Variants in LNX2 observed in about 807,000 individuals in gnomAD.
LNX2 encodes the protein ligand of Numb protein X 2.
In LNX2, 35 loss-of-function variants were observed where a neutral mutation model predicts 66.2. That is an observed-to-expected ratio of 0.53 (90% CI 0.40 to 0.70). LNX2 has a LOEUF of 0.70. Among genes scored for constraint, LNX2 ranks in the 30% least tolerant of loss-of-function variants. The pLI is 0.00. For synonymous variants in LNX2, 337 were observed against 315.6 expected, an observed-to-expected ratio of 1.07 and a Z score of -0.72; for missense variants, 791 against 850.8, an observed-to-expected ratio of 0.93 and a Z score of 0.87.
intron 1 of LNX2, among the ~76,000 whole-genome samples, chr13:27,592,876 C>G (rs1437899712): frequency 1.3e-5 from 2 of 152,152 alleles, no homozygotes; most frequent in Non-Finnish European, 1.5e-5. Context: ...GAGAATTAAG[C>G]ACTGGATTTA....
intron 1 of LNX2, among the ~76,000 whole-genome samples, chr13:27,587,326 A>G (rs1955498316): frequency 6.6e-6 from 1 of 151,022 alleles, no homozygotes; most frequent in Non-Finnish European, 1.5e-5. Flanking sequence ...CTTTACACAT[A>G]TTTTCCCTTC....
intron 5 of LNX2, among the ~76,000 whole-genome samples, chr13:27,560,689 CAT>C (rs1332106077): frequency 1.3e-5 from 2 of 151,480 alleles, no homozygotes; most frequent in African/African-American, 2.4e-5. Flanking sequence ...ATATTTTGAA[CAT>C]ATGTTTACAT....
chr13:27,578,467 T>C (rs1955364310), intron 2 of LNX2, among the ~76,000 whole-genome samples: 1 of 152,126 alleles, frequency 6.6e-6, no homozygotes, highest in South Asian at 2.1e-4. Context: ...TTTATGTTGG[T>C]TTTAGAACAT....
chr13:27,578,482 G>C (rs1955364613), intron 2 of LNX2, among the ~76,000 whole-genome samples: 1 of 152,142 alleles, frequency 6.6e-6, no homozygotes, highest in African/African-American at 2.4e-5. Flanking sequence ...GAACATGGCT[G>C]CAAATTTTTT....
intron 1 of LNX2, among the ~76,000 whole-genome samples, chr13:27,599,438 T>C (rs560926690): frequency 3.3e-5 from 5 of 152,312 alleles, no homozygotes; most frequent in African/African-American, 4.8e-5. Flanking sequence ...TTCCTGCCAA[T>C]GGCTCTAGGT....
At chr13:27,563,411 CA>C (rs1330452572) in intron 4 of LNX2, among the ~76,000 whole-genome samples, 5 of 152,050 alleles carry the variant, frequency 3.3e-5, no homozygotes, top group African/African-American at 1.2e-4. Context: ...TAGGTTGGTG[CA>C]AAAGTAATTA....
intron 1 of LNX2, among the ~76,000 whole-genome samples, chr13:27,586,552 T>C (rs1955488741): frequency 6.6e-6 from 1 of 152,194 alleles, no homozygotes; most frequent in Non-Finnish European, 1.5e-5. Context: ...TCAATAAATG[T>C]TGAATGACCA....
At chr13:27,580,849 T>TCCAATTTA (rs1955389729) in intron 2 of LNX2, among the ~76,000 whole-genome samples, 1 of 152,202 alleles carries the variant, frequency 6.6e-6, no homozygotes, top group South Asian at 2.1e-4. Flanking sequence ...AATAACTGAT[T>TCCAATTTA]CCAATTTACC....
Position 27,581,725 on chromosome 13 carries a change from C to A in LNX2, c.-22G>T. The A allele has an allele frequency of 6.4e-7, 1 of 1,563,746 alleles. No homozygotes were observed. Among genetic ancestry groups the A allele is most frequent in the South Asian group, 1.2e-5 (1 of 81,766 alleles). On this transcript the variant is annotated 5_prime_UTR_variant, in exon 2 of 10. An upstream start codon of the reference 5' UTR is lost. Transcript: ENST00000316334. ...CCATTTTGAATCAATTCTGTATCCT[C>A]ATGTGTTAGACTTCCACTTCACGCT...
At chr13:27,572,643 A>T (rs1464003134) in intron 2 of LNX2, among the ~76,000 whole-genome samples, 2 of 152,208 alleles carry the variant, frequency 1.3e-5, no homozygotes, top group Non-Finnish European at 2.9e-5. Context: ...CTCCTAAGGG[A>T]AAAATTATAT....
chr13:27,606,036 C>G (rs1251585102), intron 1 of LNX2, among the ~76,000 whole-genome samples: 1 of 152,130 alleles, frequency 6.6e-6, no homozygotes, highest in East Asian at 1.9e-4. Flanking sequence ...GAAAGCTATT[C>G]TAAGAGTGTC....
At chr13:27,616,082 C>T (rs1439882857) in intron 1 of LNX2, among the ~76,000 whole-genome samples, 1 of 145,510 alleles carries the variant, frequency 6.9e-6, no homozygotes, top group African/African-American at 2.5e-5. Flanking sequence ...TGGTTTTATA[C>T]ATTTTAGGGA....
intron 1 of LNX2, among the ~76,000 whole-genome samples, chr13:27,582,335 C>G (rs190145944): frequency 1.3e-5 from 2 of 151,990 alleles, no homozygotes; most frequent in East Asian, 3.9e-4. Flanking sequence ...CTCCCACTGT[C>G]AAGTTCTTGA....
intron 1 of LNX2, among the ~76,000 whole-genome samples, chr13:27,584,896 TC>T (rs1459229498): frequency 3.0e-4 from 46 of 151,202 alleles, no homozygotes; most frequent in African/African-American, 9.0e-4. Context: ...GGCAGGTAGA[TC>T]AACTGAGGTC....
At chr13:27,600,437 G>C (rs1348981393) in intron 1 of LNX2, among the ~76,000 whole-genome samples, 1 of 152,084 alleles carries the variant, frequency 6.6e-6, no homozygotes, top group Non-Finnish European at 1.5e-5. Flanking sequence ...AATCTAACCA[G>C]TAGATTAGCC....
intron 2 of LNX2, among the ~76,000 whole-genome samples, chr13:27,573,639 C>T (rs185934321): frequency 1.3e-5 from 2 of 152,034 alleles, no homozygotes; most frequent in East Asian, 1.9e-4. Context: ...GCATGCCCCA[C>T]CATGCACACA....
At chr13:27,612,429 C>T (rs1183272617) in intron 1 of LNX2, among the ~76,000 whole-genome samples, 1 of 152,214 alleles carries the variant, frequency 6.6e-6, no homozygotes, top group Non-Finnish European at 1.5e-5. Context: ...AGGACAACTT[C>T]TTCAGGAAGT....
Position 27,553,246 on chromosome 13 carries a change from A to G in LNX2, c.1740T>C (p.Ser580=). Residue 580 remains serine (S), a synonymous_variant, in exon 8 of 10, where the codon AGT becomes AGC. Transcript: ENST00000316334. The part of the protein sequence containing the change: ...STFSENEYDA[S]WSPSWVMWLG... Reference sequence around the variant, plus strand: ...GCCACATGACCCATGATGGGGACCAACTGGCATCATACTCATTTTCGCTGA... The same window carrying G: ...GCCACATGACCCATGATGGGGACCAGCTGGCATCATACTCATTTTCGCTGA... 6.2e-7 allele frequency: 1 copy of G among 1,614,136 alleles called. No homozygotes were observed. The highest frequency in any genetic ancestry group is 8.5e-7 in the Non-Finnish European group (1 of 1,180,026).
At position 27,581,813 on chromosome 13, in the gene LNX2, C is replaced by T; in HGVS notation, c.-100-10G>A. On this transcript the variant is annotated splice_polypyrimidine_tract_variant and intron_variant, in intron 1 of 9. Coordinates refer to ENST00000316334, the MANE Select transcript of LNX2 (RefSeq NM_153371.4). ...GTCAAGGTGTGTTTTTCTAGATAAG[C>T]AAAACAAACACATTAAAAAAGGTAA... 18 of 768,544 alleles carry T rather than the reference C, an allele frequency of 2.3e-5. No individual in the cohort carries two copies. The South Asian group carries it at 3.4e-4, about 14-fold the overall frequency. The allele number at this position is 768,544 out of a possible 1,614,324, so 47.6% of individuals were successfully genotyped here.
Sources: gnomAD v4.1 joint callset for allele counts (sites outside exome capture counted in the v4.1 genomes callset) on GRCh38, gnomAD v4.1.1 for gene constraint, MANE v1.5 for transcripts, NCBI Gene and HGNC (gene_info 2026-07-23, HGNC 2026-07-21) for gene names.